The following WASF3 variants were observed in gnomAD, a reference collection of about 807,000 sequenced individuals.
WASF3 encodes the protein actin-binding protein WASF3.
In WASF3, 11 loss-of-function variants were observed where a neutral mutation model predicts 46.6. The observed-to-expected ratio is 0.24, with a 90% CI of 0.15 to 0.39. The LOEUF (loss-of-function observed/expected upper bound fraction) is 0.39, where lower values mean the gene tolerates loss of function less well. Ranked by LOEUF, WASF3 falls within the 10% of genes least tolerant of loss-of-function variation. The probability of loss-of-function intolerance (pLI) is 1.00; values close to 1 mark genes in which losing one functional copy is unlikely to be tolerated. For missense variants in WASF3, 576 were observed against 669.8 expected, an observed-to-expected ratio of 0.86 and a Z score of 1.55; for synonymous variants, 242 against 259.7, an observed-to-expected ratio of 0.93 and a Z score of 0.65.
rs41291666 is a variant in WASF3, at chr13:26,686,147, C to G, written c.*302C>G. ...GTATTTAGTGCAGTTTGGGTTTACT[C>G]TTACTGATCAATATAACTCTGCAGA... is the stretch of plus-strand genomic sequence containing the variant. On this transcript the variant is annotated 3_prime_UTR_variant, in exon 10 of 10. Coordinates refer to ENST00000335327, the MANE Select transcript of WASF3 (RefSeq NM_006646.6). The G allele has an allele frequency of 0.01, 3,346 of 318,916 alleles. 26 individuals are homozygous for G. The highest frequency in any genetic ancestry group is 0.016 in the Non-Finnish European group (2,663 of 169,582). 19.8% of individuals were successfully genotyped at this position (318,916 alleles called of 1,614,324 possible). A position where few individuals can be genotyped will look rare whatever the true frequency, so the allele number is the denominator to read the frequency against.
At position 26,682,065 on chromosome 13, in the gene WASF3, A is replaced by G. The variant is rs1250139912; in HGVS notation, c.984-542A>G. Among the ~76,000 whole-genome samples, 1 of 152,224 alleles carries G rather than the reference A, an allele frequency of 6.6e-6. No homozygotes were observed. Among genetic ancestry groups the G allele is most frequent in the Admixed American group, 6.5e-5 (1 of 15,284 alleles). Reference sequence around the variant, plus strand: ...AGTGGCTTGAGGCTGTGTCAGGCCAAGAGAGGGCCCATGGTCCAGTTAGTT... The same window carrying G: ...AGTGGCTTGAGGCTGTGTCAGGCCAGGAGAGGGCCCATGGTCCAGTTAGTT... On this transcript the variant is annotated intron_variant, in intron 8 of 9. Transcript: ENST00000335327. This position sits in a 1 kb window ranked among gnomAD's most constrained non-coding sequence, Gnocchi z 4.4.
intron 3 of WASF3, among the ~76,000 whole-genome samples, chr13:26,643,388 A>T (rs902744822): frequency 9.2e-5 from 14 of 152,266 alleles, no homozygotes; most frequent in African/African-American, 3.4e-4. Flanking sequence ...GAAACGCTGC[A>T]GGTAAGTATT....
chr13:26,623,835 A>G (rs1881384838), intron 2 of WASF3, among the ~76,000 whole-genome samples: 1 of 152,182 alleles, frequency 6.6e-6, no homozygotes, highest in Non-Finnish European at 1.5e-5. Flanking sequence ...TCAAGGAACT[A>G]CAGGATGATC....
chr13:26,603,219 T>C (rs1222798316), intron 1 of WASF3, among the ~76,000 whole-genome samples: 2 of 152,196 alleles, frequency 1.3e-5, no homozygotes, highest in African/African-American at 4.8e-5. Flanking sequence ...GCTTCTTGTG[T>C]CGGGGCCTGG....
intron 2 of WASF3, among the ~76,000 whole-genome samples, chr13:26,621,889 G>A (rs1881317828): frequency 6.6e-6 from 1 of 152,046 alleles, no homozygotes; most frequent in Admixed American, 6.6e-5. Flanking sequence ...GTAAAGTGGA[G>A]GCAGGCAGAC....
At chr13:26,564,550 C>T (rs1362198488) in intron 1 of WASF3, among the ~76,000 whole-genome samples, 1 of 152,164 alleles carries the variant, frequency 6.6e-6, no homozygotes. Context: ...CATTTTAGTT[C>T]CTCTCATAGC....
intron 4 of WASF3, among the ~76,000 whole-genome samples, chr13:26,666,634 T>C (rs1250306443): frequency 2.6e-5 from 4 of 152,114 alleles, no homozygotes; most frequent in Non-Finnish European, 4.4e-5. Flanking sequence ...GCGCGGTGGC[T>C]CACGCCTGTA....
chr13:26,607,924 C>T lies in WASF3; in HGVS notation c.-108-5037C>T, dbSNP rs190430548. On this transcript the variant is annotated intron_variant, in intron 1 of 9. Transcript: ENST00000335327. ...ATGCTGGGATTACAGGCATGAGCCA[C>T]CGTACCCAGCTGAGTTCAGTTTAAG... Among the ~76,000 whole-genome samples, 382 of 152,316 alleles carry T rather than the reference C, an allele frequency of 2.5e-3. 2 individuals carry two copies. Among genetic ancestry groups the T allele is most frequent in the African/African-American group, 8.6e-3 (359 of 41,562 alleles).
chr13:26,653,495 C>T (rs889886143), intron 3 of WASF3, among the ~76,000 whole-genome samples: 24 of 152,236 alleles, frequency 1.6e-4, no homozygotes, highest in Non-Finnish European at 3.1e-4. Flanking sequence ...TGACCAGTGA[C>T]TCGCATGCTG....
the WASF3 span, among the ~76,000 whole-genome samples, chr13:26,549,881 G>A: frequency 6.6e-6 from 1 of 152,150 alleles, no homozygotes; most frequent in African/African-American, 2.4e-5. Context: ...GCATCACTCT[G>A]GGAGTTATTT....
intron 2 of WASF3, among the ~76,000 whole-genome samples, chr13:26,631,733 A>G (rs9319311): frequency 0.28 from 42,292 of 152,010 alleles, 6,330 homozygotes; most frequent in East Asian, 0.58. Context: ...CTTGATGGGG[A>G]TGGCATTGAA....
At chr13:26,648,236 C>A (rs1882209395) in intron 3 of WASF3, among the ~76,000 whole-genome samples, 1 of 152,110 alleles carries the variant, frequency 6.6e-6, no homozygotes, top group Non-Finnish European at 1.5e-5. Context: ...TTTAAATATG[C>A]TTCTCTCTTT....
At chr13:26,626,355 A>C (rs1881463429) in intron 2 of WASF3, 1 of 152,238 alleles carries the variant, frequency 6.6e-6, no homozygotes, top group Non-Finnish European at 1.5e-5. Flanking sequence ...GATATTGAGG[A>C]TAAACAAATT....
chr13:26,546,040 T>G, the WASF3 span, among the ~76,000 whole-genome samples: 1 of 152,370 alleles, frequency 6.6e-6, no homozygotes, highest in Admixed American at 6.5e-5. Context: ...TGACTACCCT[T>G]CCTTTCACTC....
At chr13:26,580,379 T>A (rs1002370586) in intron 1 of WASF3, among the ~76,000 whole-genome samples, 1 of 152,178 alleles carries the variant, frequency 6.6e-6, no homozygotes, top group African/African-American at 2.4e-5. Flanking sequence ...TCTCTCAAGA[T>A]GTTCAGTTGT....
intron 1 of WASF3, among the ~76,000 whole-genome samples, chr13:26,590,529 T>G (rs1880259279): frequency 6.6e-6 from 1 of 152,064 alleles, no homozygotes; most frequent in South Asian, 2.1e-4. Context: ...ATAAATCTAC[T>G]CACAAAAGTA....
At chr13:26,553,105 G>A (rs988319370), upstream of WASF3, among the ~76,000 whole-genome samples, 12 of 152,142 alleles carry the variant, frequency 7.9e-5, no homozygotes, top group Non-Finnish European at 1.2e-4. Context: ...TTCAGTTATC[G>A]TAATGCTAGA....
At chr13:26,548,126 A>G in the WASF3 span, among the ~76,000 whole-genome samples, 1 of 152,218 alleles carries the variant, frequency 6.6e-6, no homozygotes, top group African/African-American at 2.4e-5. Context: ...ACCTCTGCAC[A>G]GATATATCTT....
chr13:26,604,334 TG>T (rs1287160636), intron 1 of WASF3, among the ~76,000 whole-genome samples: 1 of 152,202 alleles, frequency 6.6e-6, no homozygotes, highest in African/African-American at 2.4e-5. Flanking sequence ...GGGAGCCTGT[TG>T]GATAAGAGCT....
Sources: gnomAD v4.1 joint callset for allele counts (sites outside exome capture counted in the v4.1 genomes callset) on GRCh38, gnomAD v4.1.1 for gene constraint, Gnocchi (gnomAD v3.1) non-coding constraint, MANE v1.5 for transcripts, NCBI Gene and HGNC (gene_info 2026-07-23, HGNC 2026-07-21) for gene names.